The following INPP4A variants were observed in gnomAD, a reference collection of about 807,000 sequenced individuals.
INPP4A encodes inositol polyphosphate-4-phosphatase type I A, also known as inositol polyphosphate-4-phosphatase, type I, 107kD.
INPP4A carries 33 observed loss-of-function variants against 119.8 expected under a neutral mutation model. That is an observed-to-expected ratio of 0.28 (90% CI 0.21 to 0.37). The LOEUF (loss-of-function observed/expected upper bound fraction) is 0.37. INPP4A is among the 10% of genes least tolerant of loss of function. The pLI, the probability that INPP4A is intolerant of heterozygous loss-of-function variation, is 1.00. For synonymous variants in INPP4A, 496 were observed against 500.7 expected, an observed-to-expected ratio of 0.99 and a Z score of 0.12; for missense variants, 956 against 1,289.9, an observed-to-expected ratio of 0.74 and a Z score of 3.97.
At chr2:98,499,204 C>T (rs755491750) in intron 1 of INPP4A, among the ~76,000 whole-genome samples, 9 of 152,228 alleles carry the variant, frequency 5.9e-5, no homozygotes, top group Non-Finnish European at 1.2e-4. Flanking sequence ...CAGAAGCCAT[C>T]TGTCAGCCTG....
At chr2:98,464,962 A>G (rs994633100) in intron 1 of INPP4A, among the ~76,000 whole-genome samples, 1 of 152,204 alleles carries the variant, frequency 6.6e-6, no homozygotes, top group Non-Finnish European at 1.5e-5. Context: ...GTTTTCACAC[A>G]GCTTTTGAGG....
At chr2:98,447,053 G>C (rs1470399123) in intron 1 of INPP4A, among the ~76,000 whole-genome samples, 1 of 152,138 alleles carries the variant, frequency 6.6e-6, no homozygotes, top group East Asian at 1.9e-4. Flanking sequence ...ACCTGAAGGC[G>C]GTGTGGGACC....
At chr2:98,538,104 C>T (rs556812294) in intron 8 of INPP4A, 130 bp downstream of exon 8, 43 of 631,348 alleles carry the variant, frequency 6.8e-5, no homozygotes, top group Admixed American at 1.3e-4. Context: ...CTGCTCCCCA[C>T]GGACACTCCG....
At chr2:98,549,045 ACCT>A (rs1693003228) in intron 13 of INPP4A, 1 of 1,407,872 alleles carries the variant, frequency 7.1e-7, no homozygotes, top group Admixed American at 1.9e-5. Flanking sequence ...CCATCCCCAC[ACCT>A]CCTCCTGTGG....
At chr2:98,463,894 C>T (rs540216088) in intron 1 of INPP4A, among the ~76,000 whole-genome samples, 29 of 152,124 alleles carry the variant, frequency 1.9e-4, no homozygotes, top group South Asian at 4.1e-4. Context: ...CTGCTCGCTC[C>T]GTGCACAGCC....
intron 1 of INPP4A, among the ~76,000 whole-genome samples, chr2:98,469,140 C>T (rs1675433032): frequency 6.6e-6 from 1 of 152,166 alleles, no homozygotes; most frequent in South Asian, 2.1e-4. Context: ...ACATTTGCCA[C>T]CTTTCCCATG....
At chr2:98,572,455 C>A (rs1008465880) in intron 22 of INPP4A, among the ~76,000 whole-genome samples, 1 of 152,204 alleles carries the variant, frequency 6.6e-6, no homozygotes, top group African/African-American at 2.4e-5. Context: ...CTTCTACCCT[C>A]GGGAAGTTTT....
At chr2:98,586,354 C>T (rs562675311) in intron 24 of INPP4A, among the ~76,000 whole-genome samples, 11 of 150,970 alleles carry the variant, frequency 7.3e-5, no homozygotes, top group Admixed American at 5.9e-4. Context: ...TTTTTAAATG[C>T]GTGACATAAT....
chr2:98,511,583 C>A (rs1441012918), intron 1 of INPP4A, among the ~76,000 whole-genome samples: 1 of 152,124 alleles, frequency 6.6e-6, no homozygotes, highest in African/African-American at 2.4e-5. Flanking sequence ...CATGATGCTG[C>A]CCCCTCAGAA....
At chr2:98,497,926 C>G (rs1050925727) in intron 1 of INPP4A, among the ~76,000 whole-genome samples, 2 of 152,124 alleles carry the variant, frequency 1.3e-5, no homozygotes, top group Admixed American at 1.3e-4. Flanking sequence ...CTGTGTTTAC[C>G]CAATACCTGC....
At chr2:98,485,473 T>C (rs1176690500) in intron 1 of INPP4A, among the ~76,000 whole-genome samples, 1 of 152,186 alleles carries the variant, frequency 6.6e-6, no homozygotes, top group African/African-American at 2.4e-5. Flanking sequence ...CAATCATCTT[T>C]CTTTTTAACA....
At chr2:98,545,563 C>G (rs1692325922) in intron 11 of INPP4A, among the ~76,000 whole-genome samples, 1 of 152,216 alleles carries the variant, frequency 6.6e-6, no homozygotes, top group African/African-American at 2.4e-5. Context: ...ATGGCGGTCT[C>G]TGGAGTCAGA....
chr2:98,445,350 G>A (rs1176359217), intron 1 of INPP4A, among the ~76,000 whole-genome samples: 1 of 152,210 alleles, frequency 6.6e-6, no homozygotes, highest in African/African-American at 2.4e-5. Context: ...GCGGGCGCGT[G>A]GCCGCGGGAC....
At chr2:98,560,107 A>G (rs1314162238) in intron 17 of INPP4A, among the ~76,000 whole-genome samples, 1 of 152,294 alleles carries the variant, frequency 6.6e-6, no homozygotes, top group Non-Finnish European at 1.5e-5. Context: ...TAAAATATTT[A>G]CTGTCTAGCT....
At chr2:98,543,741 T>C in intron 10 of INPP4A, 136 bp from the exon 11 acceptor site, 1 of 1,082,014 alleles carries the variant, frequency 9.2e-7, no homozygotes, top group South Asian at 1.6e-5. Flanking sequence ...AGACAGGCAG[T>C]GTAACCATTG....
In INPP4A at chr2:98,554,036, C is replaced by T. The variant is rs1319011775; in HGVS notation, c.1348-235C>T. ...TCAGAGAATGTCAGAGATTTCTCAA[C>T]CTCTTCTCTTCCTTGGTGGGAAATT... On this transcript the variant is annotated intron_variant, in intron 14 of 24. Transcript: ENST00000409851. This position sits in a 1 kb window ranked among gnomAD's most constrained non-coding sequence, Gnocchi z 4.7. 6.6e-6 allele frequency among the ~76,000 whole-genome samples: 1 copy of T among 152,238 alleles called. No individual in the cohort carries two copies. The highest frequency in any genetic ancestry group is 1.5e-5 in the Non-Finnish European group (1 of 68,044).
chr2:98,532,174 G>T (rs1255700234), intron 4 of INPP4A, among the ~76,000 whole-genome samples: 2 of 152,060 alleles, frequency 1.3e-5, no homozygotes, highest in Non-Finnish European at 2.9e-5. Flanking sequence ...ACATGCCAAG[G>T]TATTGCTCTC....
intron 1 of INPP4A, among the ~76,000 whole-genome samples, chr2:98,485,057 T>C (rs1174128377): frequency 6.6e-6 from 1 of 151,872 alleles, no homozygotes; most frequent in Non-Finnish European, 1.5e-5. Flanking sequence ...AGTGTGTGTG[T>C]GTCCTGGTAG....
At chr2:98,530,147 T>C (rs1007167417) in intron 4 of INPP4A, among the ~76,000 whole-genome samples, 10 of 151,936 alleles carry the variant, frequency 6.6e-5, no homozygotes, top group Non-Finnish European at 1.3e-4. Context: ...GAAAATCTTT[T>C]TCTAGATAAA....
Sources: gnomAD v4.1 joint callset for allele counts (sites outside exome capture counted in the v4.1 genomes callset) on GRCh38, gnomAD v4.1.1 for gene constraint, Gnocchi (gnomAD v3.1) non-coding constraint, MANE v1.5 for transcripts, NCBI Gene and HGNC (gene_info 2026-07-23, HGNC 2026-07-21) for gene names.